Variants in KAT2B observed in about 807,000 individuals in gnomAD.
KAT2B encodes lysine acetyltransferase 2B, also known as histone acetyltransferase KAT2B.
A neutral mutation model predicts 105.9 loss-of-function variants in KAT2B; 36 were observed. The ratio of observed to expected loss-of-function variants is 0.34; its 90% CI spans 0.26 to 0.45. The LOEUF (loss-of-function observed/expected upper bound fraction) is 0.45, where lower values mean the gene tolerates loss of function less well. KAT2B is among the 20% of genes least tolerant of loss of function. The probability of loss-of-function intolerance (pLI) is 1.00; values close to 1 mark genes in which losing one functional copy is unlikely to be tolerated. For synonymous variants in KAT2B, 397 were observed against 377.9 expected (o/e 1.05, Z -0.59); for missense variants, 820 against 1,021.6 (o/e 0.80, Z 2.69).
At chr3:20,073,441 C>T (rs1575117417) in intron 2 of KAT2B, among the ~76,000 whole-genome samples, 3 of 152,124 alleles carry the variant, frequency 2.0e-5, no homozygotes, top group East Asian at 3.9e-4. Flanking sequence ...GGTGTTAGGT[C>T]GTCTGAAATT....
chr3:20,151,193 C>T (rs1382507801), intron 17 of KAT2B, among the ~76,000 whole-genome samples: 9 of 152,296 alleles, frequency 5.9e-5, no homozygotes, highest in Admixed American at 2.0e-4. Context: ...GATGTGATGA[C>T]ATACACTCTA....
chr3:20,058,486 G>T, intron 1 of KAT2B, among the ~76,000 whole-genome samples: 1 of 147,256 alleles, frequency 6.8e-6, no homozygotes. Flanking sequence ...GGTTTTCAGA[G>T]ATGCTTCTGA....
At chr3:20,115,044 A>G (rs916437288) in intron 7 of KAT2B, 56 bp downstream of exon 7, 73 of 1,056,988 alleles carry the variant, frequency 6.9e-5, no homozygotes, top group Non-Finnish European at 1.0e-4. Flanking sequence ...CCTGAAGTGT[A>G]AGTTGCAGTT....
intron 2 of KAT2B, among the ~76,000 whole-genome samples, chr3:20,087,139 A>C (rs1270959641): frequency 6.6e-6 from 1 of 152,188 alleles, no homozygotes; most frequent in Non-Finnish European, 1.5e-5. Flanking sequence ...CTAGTGTTCT[A>C]TGCCACTGTA....
intron 11 of KAT2B, among the ~76,000 whole-genome samples, chr3:20,136,132 C>A (rs1354743153): frequency 2.0e-5 from 3 of 152,122 alleles, no homozygotes; most frequent in Non-Finnish European, 4.4e-5. Context: ...TATTTGAGTT[C>A]TTTAGAAAAA....
Position 20,091,929 on chromosome 3 carries a change from A to G in KAT2B, c.431-3334A>G, listed in dbSNP as rs75365538. 1.0e-3 allele frequency among the ~76,000 whole-genome samples: 152 copies of G among 152,334 alleles called. 3 individuals are homozygous for G. The East Asian group carries it at 0.027, about 27-fold the overall frequency. The stretch of plus-strand genomic sequence containing the variant: ...ATACTTTCCTACCAGTGTGGTTGGA[A>G]TAGACAGTTGGTATGATTTCAGTCT... On this transcript the variant is annotated intron_variant, in intron 2 of 17. Coordinates refer to ENST00000263754, the MANE Select transcript of KAT2B (RefSeq NM_003884.5).
chr3:20,151,755 A>T (rs1055748589), intron 17 of KAT2B, among the ~76,000 whole-genome samples: 1 of 152,194 alleles, frequency 6.6e-6, no homozygotes, highest in Non-Finnish European at 1.5e-5. Context: ...ATAGATTATT[A>T]AATGAAGTTT....
chr3:20,057,863 C>T (rs1214029510), intron 1 of KAT2B, among the ~76,000 whole-genome samples: 2 of 152,058 alleles, frequency 1.3e-5, no homozygotes, highest in Non-Finnish European at 2.9e-5. Flanking sequence ...TTTCAGTCAG[C>T]GGGACCTAAT....
chr3:20,107,367 T>TA (rs1699039326), intron 5 of KAT2B, among the ~76,000 whole-genome samples: 1 of 146,298 alleles, frequency 6.8e-6, no homozygotes, highest in African/African-American at 2.5e-5. Context: ...ATATAAAAAA[T>TA]GCCATTTCAG....
chr3:20,115,700 A>G (rs895131557), intron 7 of KAT2B, among the ~76,000 whole-genome samples: 1 of 152,178 alleles, frequency 6.6e-6, no homozygotes, highest in African/African-American at 2.4e-5. Context: ...TACTTGAGTA[A>G]TGACCACTGC....
chr3:20,123,440 A>G (rs1381120178), intron 9 of KAT2B, among the ~76,000 whole-genome samples: 2 of 152,238 alleles, frequency 1.3e-5, no homozygotes, highest in African/African-American at 4.8e-5. Context: ...TTTTTCAAAT[A>G]AAGTTTTATT....
chr3:20,099,956 T>TA lies in KAT2B; in HGVS notation c.669+7dup, dbSNP rs1293446086. ...TTTGAAAAACCTAGCATTGAACAGG[T>TA]AAAAAGATTTTAAAAGCCCTCTTTT... On this transcript the variant is annotated splice_region_variant and intron_variant, in intron 4 of 17. Transcript: ENST00000263754. 1 of 1,530,952 alleles carries TA rather than the reference T, an allele frequency of 6.5e-7. No homozygotes were observed. Among genetic ancestry groups the TA allele is most frequent in the East Asian group, 2.2e-5 (1 of 44,454 alleles). 94.8% of individuals were successfully genotyped at this position (1,530,952 alleles called of 1,614,324 possible). A position where few individuals can be genotyped will look rare whatever the true frequency, so the allele number is the denominator to read the frequency against.
intron 2 of KAT2B, 91 bp downstream of exon 2, chr3:20,072,550 A>C: frequency 8.0e-7 from 1 of 1,244,736 alleles, no homozygotes; most frequent in Non-Finnish European, 1.2e-6. Flanking sequence ...ACCAAATTTG[A>C]ATGCTGTGTA....
intron 9 of KAT2B, among the ~76,000 whole-genome samples, chr3:20,124,213 G>A (rs1004430078): frequency 1.3e-5 from 2 of 151,946 alleles, no homozygotes; most frequent in Non-Finnish European, 2.9e-5. Flanking sequence ...TATAAAATGG[G>A]GATTTGTACT....
At chr3:20,145,024 T>C (rs942741718) in intron 13 of KAT2B, among the ~76,000 whole-genome samples, 1 of 151,976 alleles carries the variant, frequency 6.6e-6, no homozygotes, top group Admixed American at 6.6e-5. Flanking sequence ...CTCGAGCTCC[T>C]CACCTCAAGT....
At chr3:20,076,438 G>A (rs1185076792) in intron 2 of KAT2B, among the ~76,000 whole-genome samples, 1 of 152,092 alleles carries the variant, frequency 6.6e-6, no homozygotes, top group Admixed American at 6.6e-5. Context: ...AATTATTGTT[G>A]GAATGCCAGT....
chr3:20,067,626 T>C (rs1221721802), intron 1 of KAT2B, among the ~76,000 whole-genome samples: 1 of 152,176 alleles, frequency 6.6e-6, no homozygotes, highest in Non-Finnish European at 1.5e-5. Context: ...AGCAAGCCCA[T>C]AGGAAGAAAA....
chr3:20,090,999 A>G (rs1272352652), intron 2 of KAT2B, among the ~76,000 whole-genome samples: 2 of 151,910 alleles, frequency 1.3e-5, no homozygotes, highest in African/African-American at 2.4e-5. Flanking sequence ...CATTTCTCCT[A>G]CCTCAGCCTC....
chr3:20,149,401 T>C (rs778450398), intron 17 of KAT2B, among the ~76,000 whole-genome samples: 46 of 148,930 alleles, frequency 3.1e-4, no homozygotes, highest in Non-Finnish European at 2.8e-4. Flanking sequence ...GAGGCTGAGG[T>C]TGGAGGATCA....
Sources: allele counts gnomAD v4.1 joint callset (sites outside exome capture counted in the v4.1 genomes callset), GRCh38; gene constraint gnomAD v4.1.1; transcripts MANE v1.5; gene names NCBI Gene and HGNC (gene_info 2026-07-23, HGNC 2026-07-21).